The following SEC24C variants were observed in gnomAD, a reference collection of about 807,000 sequenced individuals.
The protein encoded by SEC24C is SEC24 homolog C, COPII component, also known as protein transport protein Sec24C.
Under a neutral mutation model 117.0 loss-of-function variants are expected in SEC24C, and 22 were observed. The observed-to-expected ratio is 0.19, with a 90% CI of 0.13 to 0.27. The LOEUF (loss-of-function observed/expected upper bound fraction) is 0.27, where lower values mean the gene tolerates loss of function less well. Among genes scored for constraint, SEC24C ranks in the 10% least tolerant of loss-of-function variants. The probability of loss-of-function intolerance (pLI) is 1.00; values close to 1 mark genes in which losing one functional copy is unlikely to be tolerated. For synonymous variants in SEC24C, 506 were observed against 529.4 expected (o/e 0.96, Z 0.61); for missense variants, 1,155 against 1,375.1 (o/e 0.84, Z 2.53).
At chr10:73,766,919 A>G (rs1472831321) in intron 13 of SEC24C, 66 bp downstream of exon 13, 1 of 1,483,190 alleles carries the variant, frequency 6.7e-7, no homozygotes, top group African/African-American at 1.4e-5. Context: ...ATCCCCTGGG[A>G]TACAACCTCT....
intron 1 of SEC24C, 166 bp from the exon 2 acceptor site, chr10:73,746,639 T>G (rs2082557515): frequency 2.1e-6 from 1 of 481,366 alleles, no homozygotes; most frequent in African/African-American, 2.0e-5. Context: ...GGAGATAATC[T>G]GAATGCTGGC....
At chr10:73,762,240 C>T in intron 6 of SEC24C, 1 of 997,550 alleles carries the variant, frequency 1.0e-6, no homozygotes, top group Non-Finnish European at 1.4e-6. Context: ...GTGACCTCAT[C>T]TTCACCTCAT....
intron 3 of SEC24C, among the ~76,000 whole-genome samples, chr10:73,755,060 G>GAGGC (rs2082690829): frequency 6.6e-6 from 1 of 152,088 alleles, no homozygotes; most frequent in African/African-American, 2.4e-5. Context: ...TTGAAACCAA[G>GAGGC]AGGCGGAGGT....
intron 6 of SEC24C, chr10:73,762,060 G>T: frequency 7.9e-7 from 1 of 1,264,308 alleles, no homozygotes; most frequent in Non-Finnish European, 1.0e-6. Context: ...CTCCCTCCTT[G>T]TATTCCCCTG....
At chr10:73,747,229 C>G (rs949711182) in intron 2 of SEC24C, among the ~76,000 whole-genome samples, 2 of 152,170 alleles carry the variant, frequency 1.3e-5, no homozygotes, top group African/African-American at 4.8e-5. Flanking sequence ...GTCACTCATG[C>G]TGGATTACAG....
chr10:73,747,153 C>T (rs1020583342), intron 2 of SEC24C, 149 bp downstream of exon 2: 16 of 574,942 alleles, frequency 2.8e-5, no homozygotes, highest in African/African-American at 7.8e-5. Context: ...CTGAGAGCCC[C>T]GTGGGCGCCC....
rs1255946304 is a variant in SEC24C, at chr10:73,771,350, C to T, written c.*255C>T. 15 of 489,098 alleles carry T rather than the reference C, an allele frequency of 3.1e-5. No homozygotes were observed. In the East Asian group the frequency reaches 5.7e-4, roughly 18 times the overall value. 30.3% of individuals were successfully genotyped at this position (489,098 alleles called of 1,614,324 possible). ...AATCCTGTCATAATGAATGTAGCTT[C>T]TCAGTTCACTGTATATGATTCGGTA... On this transcript the variant is annotated 3_prime_UTR_variant, in exon 23 of 23. Transcript: ENST00000345254.
chr10:73,763,899 C>G lies in SEC24C; in HGVS notation c.1143C>G (p.Ile381Met). 1 of 1,613,726 alleles carries G rather than the reference C, an allele frequency of 6.2e-7. No homozygotes were observed. Among genetic ancestry groups the G allele is most frequent in the Non-Finnish European group, 8.5e-7 (1 of 1,179,950 alleles). The stretch of plus-strand genomic sequence containing the variant: ...ACATCCGATGTACATCCTATAATAT[C>G]CCTTGCACATCTGACATGGCTAAGC... The part of the protein sequence containing the change: ...PRYIRCTSYN[I>M]PCTSDMAKQA... The change falls in exon 8 of 23, where the codon ATC becomes ATG. Residue 381 changes from isoleucine to methionine, a missense_variant. Transcript: ENST00000345254.
chr10:73,757,220 T>C (rs1041404452), intron 3 of SEC24C, among the ~76,000 whole-genome samples: 1 of 143,376 alleles, frequency 7.0e-6, no homozygotes, highest in Non-Finnish European at 1.5e-5. Context: ...GGCCTAATTT[T>C]TTTTTTTTTT....
At position 73,746,912 on chromosome 10, in the gene SEC24C, G is replaced by C; in HGVS notation, c.80G>C (p.Ser27Thr). ...QPIYPGYHQS[S>T]YGGQSGSTAP... ...ATCTACCCAGGGTATCATCAGTCCA[G>C]CTATGGTGGGCAATCAGGGTCCACA... The change falls in exon 2 of 23, where the codon AGC (serine) becomes ACC (threonine). Residue 27 changes from serine to threonine, a missense_variant. Physicochemically the swap from Ser to Thr is moderately conservative, Grantham distance 58. Around this residue, in one of 2 missense-constraint regions of SEC24C, gnomAD observed 396 missense variants for 382.8 expected, o/e 1.03. Transcript: ENST00000345254. The C allele has an allele frequency of 6.2e-7, 1 of 1,614,038 alleles. No individual in the cohort carries two copies. The highest frequency in any genetic ancestry group is 2.2e-5 in the East Asian group (1 of 44,874).
At chr10:73,757,962 A>G (rs2082737138) in intron 3 of SEC24C, among the ~76,000 whole-genome samples, 2 of 138,078 alleles carry the variant, frequency 1.4e-5, no homozygotes, top group Non-Finnish European at 1.5e-5. Context: ...AAGGCTGGGC[A>G]CGGTGGCTCA....
chr10:73,768,709 A>T, intron 15 of SEC24C, 101 bp from the exon 16 acceptor site: 2 of 1,008,822 alleles, frequency 2.0e-6, no homozygotes, highest in Non-Finnish European at 3.1e-6. Flanking sequence ...TATGATGATG[A>T]TAATTAGGTG....
Position 73,751,124 on chromosome 10 carries a change from A to G in SEC24C, c.189A>G (p.Pro63=). 6.2e-7 allele frequency: 1 copy of G among 1,613,944 alleles called. No individual in the cohort carries two copies. The highest frequency in any genetic ancestry group is 8.5e-7 in the Non-Finnish European group (1 of 1,179,890). The change falls in exon 3 of 23, where the codon CCA becomes CCG. Residue 63 remains proline (P), a synonymous_variant. Coordinates refer to ENST00000345254, the MANE Select transcript of SEC24C (RefSeq NM_198597.3). ...QTPPQGMSRA[P]PSSGAPPAST... is the part of the protein sequence containing the mutation. ...TACCCTCAGGTATGTCAAGAGCCCC[A>G]CCTTCCTCGGGGGCACCTCCAGCCT...
chr10:73,770,717 G>T lies in SEC24C; in HGVS notation c.3063G>T (p.Leu1021=), dbSNP rs1262441806. The change falls in exon 22 of 23, where the codon CTG becomes CTT. Residue 1021 remains leucine, a synonymous_variant. Transcript: ENST00000345254. The stretch of plus-strand genomic sequence containing the variant: ...TGAATTTTGTGTTCTAGAGTGTTCT[G>T]CCAGTTCTGGATAATCCACTGTCCA... ...FSQITSGLSV[L]PVLDNPLSKK... The T allele has an allele frequency of 7.4e-6, 12 of 1,613,952 alleles. No homozygotes were observed. The highest frequency in any genetic ancestry group is 1.0e-5 in the Non-Finnish European group (12 of 1,180,010).
chr10:73,767,782 A>G (rs1337158630), intron 14 of SEC24C, 55 bp from the exon 15 acceptor site: 40 of 1,384,702 alleles, frequency 2.9e-5, no homozygotes, highest in Non-Finnish European at 3.5e-5. Context: ...GTTTTCAAAT[A>G]GGGCGGAGCT....
At chr10:73,745,575 G>A (rs938790927) in intron 1 of SEC24C, among the ~76,000 whole-genome samples, 13 of 132,682 alleles carry the variant, frequency 9.8e-5, no homozygotes, top group African/African-American at 2.7e-4. Flanking sequence ...TTGAAAGGGC[G>A]TCTTGCTCTA....
intron 3 of SEC24C, 74 bp downstream of exon 3, chr10:73,751,317 T>C: frequency 2.1e-6 from 3 of 1,457,124 alleles, no homozygotes; most frequent in Non-Finnish European, 2.8e-6. Flanking sequence ...TCCCAGCACT[T>C]TGGGAGGCTG....
chr10:73,756,899 A>ATTTTTTTTT (rs1172846982), intron 3 of SEC24C, among the ~76,000 whole-genome samples: 3 of 41,898 alleles, frequency 7.2e-5, no homozygotes, highest in African/African-American at 3.1e-4. Context: ...TTCCTGGCCA[A>ATTTTTTTTT]TTTTTTTTTT....
intron 13 of SEC24C, 34 bp downstream of exon 13, chr10:73,766,887 T>TC (rs778757095): frequency 6.3e-7 from 1 of 1,574,854 alleles, no homozygotes; most frequent in South Asian, 1.1e-5. Flanking sequence ...CTCCTCTAAC[T>TC]CCATTTTCCT....
Sources: gnomAD v4.1 joint callset for allele counts (sites outside exome capture counted in the v4.1 genomes callset) on GRCh38, gnomAD v4.1.1 for gene constraint, gnomAD v4.1.1 regional missense constraint, MANE v1.5 for transcripts, NCBI Gene and HGNC (gene_info 2026-07-23, HGNC 2026-07-21) for gene names.